The following DNAI7 variants were observed in gnomAD, a reference collection of about 807,000 sequenced individuals.
DNAI7 encodes cancer susceptibility 1.
DNAI7 carries 78 observed loss-of-function variants against 86.6 expected under a neutral mutation model. That is an observed-to-expected ratio of 0.90 (90% CI 0.75 to 1.09). The LOEUF (loss-of-function observed/expected upper bound fraction) is 1.09, where lower values mean the gene tolerates loss of function less well. DNAI7 is among the 50% of genes least tolerant of loss of function. The pLI is 0.00. For synonymous variants in DNAI7, 274 were observed against 273.0 expected (o/e 1.00, Z -0.04); for missense variants, 753 against 810.2 (o/e 0.93, Z 0.86).
intron 2 of DNAI7, among the ~76,000 whole-genome samples, chr12:25,187,114 A>G (rs1950101967): frequency 6.6e-6 from 1 of 152,118 alleles, no homozygotes; most frequent in Non-Finnish European, 1.5e-5. Flanking sequence ...ATAAAACCCA[A>G]ATACTTTACC....
chr12:25,166,275 G>C (rs543237319), intron 2 of DNAI7, among the ~76,000 whole-genome samples: 27 of 152,162 alleles, frequency 1.8e-4, no homozygotes, highest in Non-Finnish European at 3.4e-4. Flanking sequence ...TTACAGGTTA[G>C]TTCAGGATCT....
At chr12:25,121,450 A>C (rs1311084831) in intron 11 of DNAI7, among the ~76,000 whole-genome samples, 3 of 152,242 alleles carry the variant, frequency 2.0e-5, no homozygotes, top group Non-Finnish European at 4.4e-5. Context: ...TTACAGAAAA[A>C]GTTTGCCAAC....
At chr12:25,182,101 AC>A (rs1423609530) in intron 2 of DNAI7, among the ~76,000 whole-genome samples, 1 of 149,510 alleles carries the variant, frequency 6.7e-6, no homozygotes. Context: ...TAATTCCAGC[AC>A]TTTGGGAGGC....
chr12:25,178,281 A>G (rs1226099876), intron 2 of DNAI7, among the ~76,000 whole-genome samples: 1 of 152,172 alleles, frequency 6.6e-6, no homozygotes, highest in Non-Finnish European at 1.5e-5. Context: ...AATTTCTTAA[A>G]TGATTATAGG....
At chr12:25,119,785 T>C (rs781624986) in intron 11 of DNAI7, among the ~76,000 whole-genome samples, 1 of 152,104 alleles carries the variant, frequency 6.6e-6, no homozygotes, top group Non-Finnish European at 1.5e-5. Context: ...TGAAAGTGAA[T>C]TAACCAGACA....
At chr12:25,148,996 T>G (rs1431593432) in intron 7 of DNAI7, among the ~76,000 whole-genome samples, 1 of 152,098 alleles carries the variant, frequency 6.6e-6, no homozygotes, top group African/African-American at 2.4e-5. Context: ...TCTTCTTCTA[T>G]TCTTACTTTT....
intron 7 of DNAI7, 58 bp from the exon 8 acceptor site, chr12:25,147,162 T>G: frequency 1.2e-6 from 1 of 841,554 alleles, no homozygotes; most frequent in South Asian, 1.5e-5. Flanking sequence ...TTATACAAAT[T>G]AGATAAGTTA....
In DNAI7 at chr12:25,144,589, G is replaced by A. The variant is rs1944592589; in HGVS notation, c.778C>T (p.His260Tyr). The change falls in exon 9 of 16, where the codon CAT becomes TAT. Residue 260 changes from histidine to tyrosine, a missense_variant. Transcript: ENST00000395987. ...ATSDIAVRLL[H>Y]THYDHVSALH... is the part of the protein sequence containing the mutation. ...GCAGAAACATGATCATAGTGGGTAT[G>A]CAGGAGTCGTACAGCAATGTCACTT... is the stretch of plus-strand genomic sequence containing the variant. 3 of 1,614,014 alleles carry A rather than the reference G, an allele frequency of 1.9e-6. No homozygotes were observed. Among genetic ancestry groups the A allele is most frequent in the Non-Finnish European group, 2.5e-6 (3 of 1,179,918 alleles).
chr12:25,134,487 G>A (rs1228666940), intron 9 of DNAI7, among the ~76,000 whole-genome samples: 1 of 150,404 alleles, frequency 6.6e-6, no homozygotes, highest in Non-Finnish European at 1.5e-5. Context: ...CTCCCGAGCA[G>A]TTGGGATTAC....
At chr12:25,107,222 TGA>T (rs1949228793), downstream of DNAI7, among the ~76,000 whole-genome samples, 1 of 152,206 alleles carries the variant, frequency 6.6e-6, no homozygotes, top group African/African-American at 2.4e-5. Flanking sequence ...TTATCTATTT[TGA>T]GAGACAGACT....
chr12:25,120,681 C>T (rs1941144047), intron 11 of DNAI7, among the ~76,000 whole-genome samples: 1 of 151,980 alleles, frequency 6.6e-6, no homozygotes. Flanking sequence ...GCCAAGACAG[C>T]GCCACTGCAC....
chr12:25,176,286 T>A (rs1003831551), intron 2 of DNAI7, among the ~76,000 whole-genome samples: 1 of 152,126 alleles, frequency 6.6e-6, no homozygotes, highest in Non-Finnish European at 1.5e-5. Context: ...TATAAAAATA[T>A]GAATAAAAAT....
rs932627333 is a variant in DNAI7 at position 25,174,744 on chromosome 12, T to G, written c.22-13547A>C. Among the ~76,000 whole-genome samples the G allele has an allele frequency of 1.3e-4, 19 of 144,892 alleles. 1 individual carries two copies. The highest frequency in any genetic ancestry group is 3.9e-4 in the East Asian group (2 of 5,098). On this transcript the variant is annotated intron_variant, in intron 2 of 15. Transcript: ENST00000395987. ...ATATATCATATATATATGGAATATA[T>G]ATATCATATATATATATGATGGAAT...
In DNAI7 at chr12:25,174,511, T is replaced by TATATACATC. The variant is rs1948647262; in HGVS notation, c.22-13315_22-13314insGATGTATAT. 2.6e-5 allele frequency among the ~76,000 whole-genome samples: 3 copies of TATATACATC among 114,464 alleles called. 1 individual carries two copies. 75.1% of individuals were successfully genotyped at this position (114,464 alleles called of 152,430 possible). On this transcript the variant is annotated intron_variant, in intron 2 of 15. Transcript: ENST00000395987. ...TATCATATATCCCATATATATGGGATATATATATCATATATATCATATATA... is the reference window on the plus strand; with the variant it reads ...TATCATATATCCCATATATATGGGATATATACATCATATATATCATATATATCATATATA...
chr12:25,126,084 T>C (rs973989959), intron 9 of DNAI7, among the ~76,000 whole-genome samples: 5 of 152,074 alleles, frequency 3.3e-5, no homozygotes, highest in African/African-American at 1.2e-4. Flanking sequence ...TGAAAGATAA[T>C]TATTAATAGA....
intron 2 of DNAI7, among the ~76,000 whole-genome samples, chr12:25,182,266 G>C (rs918410972): frequency 3.6e-4 from 52 of 143,794 alleles, no homozygotes; most frequent in Non-Finnish European, 3.2e-4. Flanking sequence ...AGAATCACTT[G>C]AACCTGGGGG....
At chr12:25,133,916 T>C (rs566691634) in intron 9 of DNAI7, among the ~76,000 whole-genome samples, 2 of 152,370 alleles carry the variant, frequency 1.3e-5, no homozygotes, top group East Asian at 3.9e-4. Context: ...TTGCCTTTTA[T>C]AAAGTAAAAT....
chr12:25,195,037 G>T (rs372320449), intron 1 of DNAI7, 39 bp downstream of exon 1: 1 of 1,614,188 alleles, frequency 6.2e-7, no homozygotes, highest in Non-Finnish European at 8.5e-7. Context: ...AGAATCAGTG[G>T]TCGCCCCTCC....
chr12:25,162,354 A>C (rs568520461), intron 2 of DNAI7, among the ~76,000 whole-genome samples: 1 of 152,354 alleles, frequency 6.6e-6, no homozygotes, highest in African/African-American at 2.4e-5. Flanking sequence ...ACATATAATT[A>C]GTACAAAATG....
Sources: gnomAD v4.1 joint callset for allele counts (sites outside exome capture counted in the v4.1 genomes callset) on GRCh38, gnomAD v4.1.1 for gene constraint, MANE v1.5 for transcripts, NCBI Gene and HGNC (gene_info 2026-07-23, HGNC 2026-07-21) for gene names.